STK11IP: variants seen among roughly 807,000 people sequenced by gnomAD.
The protein encoded by STK11IP is serine/threonine-protein kinase 11-interacting protein.
STK11IP carries 103 observed loss-of-function variants against 131.7 expected under a neutral mutation model. The observed-to-expected ratio is 0.78, with a 90% CI of 0.67 to 0.92. The LOEUF is 0.92. Among genes scored for constraint, STK11IP ranks in the 40% least tolerant of loss-of-function variants. STK11IP has a pLI of 0.00. For missense variants in STK11IP, 1,315 were observed against 1,385.7 expected, an observed-to-expected ratio of 0.95 and a Z score of 0.81; for synonymous variants, 557 against 575.6, an observed-to-expected ratio of 0.97 and a Z score of 0.46.
chr2:219,603,888 C>T lies in STK11IP; in HGVS notation c.618+1112C>T, dbSNP rs543102406. On this transcript the variant is annotated intron_variant, in intron 7 of 24. Transcript: ENST00000456909. Reference sequence around the variant, plus strand: ...GGAAGAGGGTGCAACCTGAACTGAACGCCACTTCAATTTGTGCAGAGGTGG... The same window carrying T: ...GGAAGAGGGTGCAACCTGAACTGAATGCCACTTCAATTTGTGCAGAGGTGG... 9.2e-5 allele frequency among the ~76,000 whole-genome samples: 14 copies of T among 152,160 alleles called. No homozygotes were observed. In the East Asian group the frequency reaches 1.2e-3, roughly 13 times the overall value.
chr2:219,615,773 G>A, intron 24 of STK11IP: 1 of 682,120 alleles, frequency 1.5e-6, no homozygotes, highest in Non-Finnish European at 2.7e-6. Context: ...GCCGGGAATT[G>A]AATCCACAGT....
At position 219,616,303 on chromosome 2, in the gene STK11IP, T is replaced by C. The variant is rs1698567155; in HGVS notation, c.*110T>C. ...TCTGGCTGTGGATGTCTTCAGCCTC[T>C]GGGTGCTGGCCAGTGAGGTCCCAAA... On this transcript the variant is annotated 3_prime_UTR_variant, in exon 25 of 25. Coordinates refer to ENST00000456909, the MANE Select transcript of STK11IP (RefSeq NM_052902.4). The C allele has an allele frequency of 1.4e-5, 19 of 1,402,890 alleles. No homozygotes were observed. In the South Asian group the frequency reaches 2.6e-4, roughly 19 times the overall value. The allele number at this position is 1,402,890 out of a possible 1,614,324, so 86.9% of individuals were successfully genotyped here.
chr2:219,609,203 C>A lies in STK11IP; in HGVS notation c.1916C>A (p.Ala639Glu). 3 of 1,602,590 alleles carry A rather than the reference C, an allele frequency of 1.9e-6. No individual in the cohort carries two copies. Among genetic ancestry groups the A allele is most frequent in the Non-Finnish European group, 2.6e-6 (3 of 1,174,706 alleles). The change falls in exon 16 of 25, where the codon GCA (alanine) becomes GAA (glutamate). Residue 639 changes from alanine (A) to glutamate (E), a missense_variant. Ala to Glu is a moderately radical substitution (Grantham distance 107). Transcript: ENST00000456909. ...TTGGTGCTGGAGCCTGATGCCCACG[C>A]AGCTGTCCAGGTGATGGCGCCCAGA... ...RYLVLEPDAHAAVQELLAVLT... is the reference protein window; with the variant it reads ...RYLVLEPDAHEAVQELLAVLT...
chr2:219,604,053 GC>G (rs1419914619), intron 7 of STK11IP, among the ~76,000 whole-genome samples: 2 of 152,280 alleles, frequency 1.3e-5, no homozygotes, highest in African/African-American at 4.8e-5. Context: ...TAAAAGTTAG[GC>G]TCCTACCTTC....
chr2:219,608,371 A>T lies in STK11IP; in HGVS notation c.1544A>T (p.Gln515Leu). The T allele has an allele frequency of 6.3e-7, 1 of 1,580,916 alleles. No individual in the cohort carries two copies. The highest frequency in any genetic ancestry group is 1.1e-5 in the South Asian group (1 of 87,380). ...EEKEEGEMVE[Q>L]GEEEAGEEEE... ...AAGGAGGAGGGGGAGATGGTGGAACAGGGAGAAGAGGAGGCAGGAGAGGAG... is the reference window on the plus strand; with the variant it reads ...AAGGAGGAGGGGGAGATGGTGGAACTGGGAGAAGAGGAGGCAGGAGAGGAG... Residue 515 changes from glutamine (Q) to leucine (L), a missense_variant, in exon 14 of 25, where the codon CAG becomes CTG. Gln to Leu is a moderately radical substitution (Grantham distance 113). Transcript: ENST00000456909.
At position 219,606,867 on chromosome 2, in the gene STK11IP, C is replaced by T. The variant is rs563232396; in HGVS notation, c.1134+9C>T. 1.6e-5 allele frequency: 25 copies of T among 1,604,508 alleles called. No individual in the cohort carries two copies. Among genetic ancestry groups the T allele is most frequent in the Admixed American group, 6.8e-5 (4 of 59,204 alleles). On this transcript the variant is annotated intron_variant, in intron 12 of 24. Coordinates refer to ENST00000456909, the MANE Select transcript of STK11IP (RefSeq NM_052902.4). The stretch of plus-strand genomic sequence containing the variant: ...TGCTTCATAAGGTTAAGGTAAGCAG[C>T]GTCCTCCGCTGCCTTGTGCCTGCGG...
chr2:219,606,972 T>C, intron 12 of STK11IP, 81 bp from the exon 13 acceptor site: 1 of 1,604,568 alleles, frequency 6.2e-7, no homozygotes. Context: ...CAAGGTTTCT[T>C]TGATAGGTTG....
chr2:219,598,272 C>G lies in STK11IP; in HGVS notation c.61+92C>G, dbSNP rs554806077. ...ACACGCCCTGAGAGTCATGGAGTTA[C>G]GACTGGTAGGGTCACCAGGTGTCAG... On this transcript the variant is annotated intron_variant, in intron 2 of 24. Transcript: ENST00000456909. 4.9e-5 allele frequency: 46 copies of G among 945,290 alleles called. No homozygotes were observed. The South Asian group carries it at 7.6e-4, about 16-fold the overall frequency. The allele number at this position is 945,290 out of a possible 1,614,324, so 58.6% of individuals were successfully genotyped here. A position where few individuals can be genotyped will look rare whatever the true frequency, so the allele number is the denominator to read the frequency against.
rs1376313470 is a variant in STK11IP, at chr2:219,606,693, TC to T, written c.988-17del. 5 of 1,600,768 alleles carry T rather than the reference TC, an allele frequency of 3.1e-6. No individual in the cohort carries two copies. Among genetic ancestry groups the T allele is most frequent in the Non-Finnish European group, 4.3e-6 (5 of 1,171,772 alleles). On this transcript the variant is annotated intron_variant, in intron 11 of 24. Transcript: ENST00000456909. The stretch of plus-strand genomic sequence containing the variant: ...TCCCAGGCTCCAACCTCTCTCTCCT[TC>T]CTGTCGTCACGTGCCAGACTCACAC...
At chr2:219,609,016 TC>T in intron 15 of STK11IP, 80 bp from the exon 16 acceptor site, 2 of 1,180,378 alleles carry the variant, frequency 1.7e-6, no homozygotes, top group South Asian at 2.8e-5. Context: ...GGTCCTGCCA[TC>T]CTCCATGCTC....
chr2:219,615,307 C>T lies in STK11IP; in HGVS notation c.3083C>T (p.Ala1028Val), dbSNP rs749139882. The change falls in exon 24 of 25, where the codon GCC becomes GTC. Residue 1028 changes from alanine to valine, a missense_variant. By Grantham distance (64) the Ala-to-Val change is moderately conservative. Transcript: ENST00000456909. The part of the protein sequence containing the change: ...SLSSVLLYRS[A>V]PEDLRLLFYD... ...AGCTCCGTGCTGCTCTACCGCTCAG[C>T]CCCTGAGGACTTGCGGCTGCTCTTC... 1.2e-6 allele frequency: 2 copies of T among 1,602,442 alleles called. No individual in the cohort carries two copies. The highest frequency in any genetic ancestry group is 1.7e-6 in the Non-Finnish European group (2 of 1,179,288).
chr2:219,599,011 T>A (rs1486265368), intron 2 of STK11IP, among the ~76,000 whole-genome samples: 1 of 152,252 alleles, frequency 6.6e-6, no homozygotes, highest in Non-Finnish European at 1.5e-5. Context: ...ATACTACAGT[T>A]AATGTTAGCT....
chr2:219,609,649 G>A lies in STK11IP; in HGVS notation c.2104+109G>A, dbSNP rs571353141. 174 of 1,280,928 alleles carry A rather than the reference G, an allele frequency of 1.4e-4. 1 individual carries two copies. The African/African-American group carries it at 1.9e-3, about 14-fold the overall frequency. The allele number at this position is 1,280,928 out of a possible 1,614,324, so 79.3% of individuals were successfully genotyped here. On this transcript the variant is annotated intron_variant, in intron 17 of 24. Transcript: ENST00000456909. ...GGAGCCCTAGGGAGAAGGGGCTAGAGTGGAGAGCAGTTGTTCTGCCTGGAG... is the reference window on the plus strand; with the variant it reads ...GGAGCCCTAGGGAGAAGGGGCTAGAATGGAGAGCAGTTGTTCTGCCTGGAG...
chr2:219,614,776 C>A, intron 23 of STK11IP: 1 of 689,192 alleles, frequency 1.5e-6, no homozygotes, highest in South Asian at 1.6e-5. Context: ...CCTTTGCTCT[C>A]GGGCCCAGGC....
In STK11IP at chr2:219,609,298, G is replaced by T. The variant is rs1205382402; in HGVS notation, c.1927-65G>T. 5.0e-6 allele frequency: 8 copies of T among 1,587,792 alleles called. No individual in the cohort carries two copies. In the African/African-American group the frequency reaches 6.7e-5, roughly 13 times the overall value. ...GTGGCAGCAGGCCTGAGGGCCGGGG[G>T]CCTGTGGGAGGTGTCCGTCTGGGGT... is the stretch of plus-strand genomic sequence containing the variant. On this transcript the variant is annotated intron_variant, in intron 16 of 24. Coordinates refer to ENST00000456909, the MANE Select transcript of STK11IP (RefSeq NM_052902.4).
intron 20 of STK11IP, 107 bp from the exon 21 acceptor site, chr2:219,613,645 C>A: frequency 7.7e-7 from 1 of 1,304,682 alleles, no homozygotes; most frequent in Non-Finnish European, 1.1e-6. Flanking sequence ...GTGGTGAGCG[C>A]ACGGGGGTGA....
rs140722276 is a variant in STK11IP at position 219,612,548 on chromosome 2, C to G, written c.2439+490C>G. 5.9e-5 allele frequency among the ~76,000 whole-genome samples: 9 copies of G among 152,330 alleles called. No individual in the cohort carries two copies. In the East Asian group the frequency reaches 1.7e-3, roughly 29 times the overall value. ...GTCCAGCTTGAGTGGGTCAAGGAAC[C>G]TTCCTGGGAGGTGATGTCTAAGCTC... On this transcript the variant is annotated intron_variant, in intron 19 of 24. Coordinates refer to ENST00000456909, the MANE Select transcript of STK11IP (RefSeq NM_052902.4).
rs1698567569 is a variant in STK11IP at position 219,616,327 on chromosome 2, A to G, written c.*134A>G. 8.3e-7 allele frequency: 1 copy of G among 1,207,752 alleles called. No individual in the cohort carries two copies. The highest frequency in any genetic ancestry group is 2.8e-5 in the Admixed American group (1 of 35,656). The allele number at this position is 1,207,752 out of a possible 1,614,324, so 74.8% of individuals were successfully genotyped here. The stretch of plus-strand genomic sequence containing the variant: ...CTGGGTGCTGGCCAGTGAGGTCCCA[A>G]ATGACCCAGGGCTTAAGGGAGAGGC... On this transcript the variant is annotated 3_prime_UTR_variant, in exon 25 of 25. Transcript: ENST00000456909.
At chr2:219,606,949 G>A in intron 12 of STK11IP, 91 bp downstream of exon 12, 2 of 1,591,838 alleles carry the variant, frequency 1.3e-6, no homozygotes, top group South Asian at 1.1e-5. Flanking sequence ...TAGGAACTGT[G>A]CTTGCACGTG....
Sources: gnomAD v4.1 joint callset for allele counts (sites outside exome capture counted in the v4.1 genomes callset) on GRCh38, gnomAD v4.1.1 for gene constraint, MANE v1.5 for transcripts, NCBI Gene and HGNC (gene_info 2026-07-23, HGNC 2026-07-21) for gene names.